Variants in DIP2C observed in about 807,000 individuals in gnomAD.
DIP2C encodes DIP2 acetate--CoA ligase C (putative), also known as disco-interacting protein 2 homolog C.
A neutral mutation model predicts 192.4 loss-of-function variants in DIP2C; 33 were observed. That is an observed-to-expected ratio of 0.17 (90% CI 0.13 to 0.23). The LOEUF is 0.23. DIP2C is among the 10% of genes least tolerant of loss of function. The pLI is 1.00. For synonymous variants in DIP2C, 979 were observed against 864.1 expected, an observed-to-expected ratio of 1.13 and a Z score of -2.33; for missense variants, 1,537 against 2,110.1, an observed-to-expected ratio of 0.73 and a Z score of 5.32.
chr10:480,439 G>A (rs1011598494), intron 2 of DIP2C, among the ~76,000 whole-genome samples: 4 of 151,226 alleles, frequency 2.6e-5, no homozygotes, highest in Admixed American at 6.6e-5. Context: ...AGTCTCACCC[G>A]CCAGCCTGAG....
At chr10:609,715 CACTA>C (rs1588595325) in intron 1 of DIP2C, among the ~76,000 whole-genome samples, 1 of 152,132 alleles carries the variant, frequency 6.6e-6, no homozygotes, top group African/African-American at 2.4e-5. Flanking sequence ...ATATCAAAAA[CACTA>C]ACTGATAATG....
At chr10:419,320 G>T (rs1322368772) in intron 5 of DIP2C, 121 bp from the exon 6 acceptor site, 1 of 1,434,252 alleles carries the variant, frequency 7.0e-7, no homozygotes, top group East Asian at 2.3e-5. Context: ...GCCATGGAAA[G>T]CCAGAGCCGA....
intron 24 of DIP2C, among the ~76,000 whole-genome samples, chr10:350,612 C>G (rs1376925717): frequency 2.0e-5 from 3 of 147,460 alleles, no homozygotes; most frequent in Non-Finnish European, 4.5e-5. Context: ...CGAAGAGTGA[C>G]TGAACACCCG....
chr10:280,416 G>A (rs1205864807), intron 36 of DIP2C, among the ~76,000 whole-genome samples: 1 of 152,014 alleles, frequency 6.6e-6, no homozygotes, highest in Non-Finnish European at 1.5e-5. Flanking sequence ...GTTATCAAGG[G>A]AATGAACAAG....
chr10:515,737 T>C (rs138183026), intron 1 of DIP2C, among the ~76,000 whole-genome samples: 86 of 151,540 alleles, frequency 5.7e-4, no homozygotes, highest in African/African-American at 2.0e-3. Context: ...AAAATAAAAA[T>C]AAAAATAAGA....
At chr10:609,484 T>C (rs1015366668) in intron 1 of DIP2C, among the ~76,000 whole-genome samples, 1 of 152,216 alleles carries the variant, frequency 6.6e-6, no homozygotes, top group Admixed American at 6.5e-5. Context: ...CAGTCTCTCC[T>C]TTCAGCATCC....
At chr10:594,537 C>T (rs545788781) in intron 1 of DIP2C, among the ~76,000 whole-genome samples, 6 of 152,130 alleles carry the variant, frequency 3.9e-5, no homozygotes, top group Admixed American at 3.3e-4. Context: ...CGAGTACAGA[C>T]CATTTCAACG....
chr10:600,706 C>T (rs960193436), intron 1 of DIP2C, among the ~76,000 whole-genome samples: 5 of 152,208 alleles, frequency 3.3e-5, no homozygotes, highest in Admixed American at 6.5e-5. Context: ...GAGCGCTTTT[C>T]ACCTTAAGGA....
At position 363,383 on chromosome 10, in the gene DIP2C, C is replaced by T; in HGVS notation, c.2478-72G>A. On this transcript the variant is annotated intron_variant, in intron 20 of 36. Coordinates refer to ENST00000280886, the MANE Select transcript of DIP2C (RefSeq NM_014974.3). The surrounding 1 kb of genome is among the most constrained non-coding windows in gnomAD (Gnocchi z 5.4). Reference sequence around the variant, plus strand: ...GCAGCCCTCCCTCCGCCATCAGGGGCTCCATAACCATCACTAGTGAGTGAC... The same window carrying T: ...GCAGCCCTCCCTCCGCCATCAGGGGTTCCATAACCATCACTAGTGAGTGAC... 2.3e-6 allele frequency: 3 copies of T among 1,326,670 alleles called. No homozygotes were observed. The highest frequency in any genetic ancestry group is 3.7e-4 in the Middle Eastern group (2 of 5,440). The allele number at this position is 1,326,670 out of a possible 1,614,324, so 82.2% of individuals were successfully genotyped here.
At chr10:608,827 T>G (rs1852861838) in intron 1 of DIP2C, among the ~76,000 whole-genome samples, 1 of 149,572 alleles carries the variant, frequency 6.7e-6, no homozygotes, top group South Asian at 2.2e-4. Context: ...CTTAGTCTTC[T>G]TAGAGGATGA....
At chr10:475,988 C>T (rs921519405) in intron 2 of DIP2C, among the ~76,000 whole-genome samples, 5 of 152,316 alleles carry the variant, frequency 3.3e-5, no homozygotes, top group South Asian at 2.1e-4. Context: ...TACCGCTCTG[C>T]GCTGCTGAGG....
At chr10:482,382 G>A (rs890663188) in intron 2 of DIP2C, among the ~76,000 whole-genome samples, 4 of 152,118 alleles carry the variant, frequency 2.6e-5, no homozygotes, top group African/African-American at 9.7e-5. Context: ...CTGCTCACGC[G>A]ACCCCATGAT....
intron 1 of DIP2C, among the ~76,000 whole-genome samples, chr10:597,786 C>T (rs985007416): frequency 6.6e-6 from 1 of 152,182 alleles, no homozygotes; most frequent in African/African-American, 2.4e-5. Context: ...AATAACGTCA[C>T]TGGCCACAGC....
intron 28 of DIP2C, among the ~76,000 whole-genome samples, chr10:343,477 T>A (rs1958261273): frequency 6.6e-6 from 1 of 152,220 alleles, no homozygotes; most frequent in Non-Finnish European, 1.5e-5. Flanking sequence ...AAACGTTCCA[T>A]CACTATTGGA....
At chr10:499,757 G>A (rs1255710534) in intron 1 of DIP2C, among the ~76,000 whole-genome samples, 1 of 152,222 alleles carries the variant, frequency 6.6e-6, no homozygotes, top group Non-Finnish European at 1.5e-5. Context: ...TACAATTCGA[G>A]ATGAGATTTG....
At chr10:598,763 T>C (rs890284647) in intron 1 of DIP2C, among the ~76,000 whole-genome samples, 4 of 152,210 alleles carry the variant, frequency 2.6e-5, no homozygotes, top group Non-Finnish European at 4.4e-5. Context: ...ATCTTTGGCA[T>C]CTGAATGTGG....
At chr10:313,145 G>A (rs946444990) in intron 31 of DIP2C, among the ~76,000 whole-genome samples, 1 of 152,170 alleles carries the variant, frequency 6.6e-6, no homozygotes, top group African/African-American at 2.4e-5. Flanking sequence ...TACATATTGA[G>A]GGAGTATTTA....
chr10:650,818 T>C, intron 1 of DIP2C: 1 of 700,682 alleles, frequency 1.4e-6, no homozygotes, highest in Non-Finnish European at 2.7e-6. Context: ...GGAACCCAGA[T>C]GTCCTCAGTT....
chr10:511,035 G>C (rs950502096), intron 1 of DIP2C, among the ~76,000 whole-genome samples: 3 of 152,180 alleles, frequency 2.0e-5, no homozygotes, highest in Non-Finnish European at 2.9e-5. Context: ...ACATCGACGT[G>C]CTTTGTTCAA....
Sources: gnomAD v4.1 joint callset for allele counts (sites outside exome capture counted in the v4.1 genomes callset) on GRCh38, gnomAD v4.1.1 for gene constraint, Gnocchi (gnomAD v3.1) non-coding constraint, MANE v1.5 for transcripts, NCBI Gene and HGNC (gene_info 2026-07-23, HGNC 2026-07-21) for gene names.